Variants in WDR41 observed in about 807,000 individuals in gnomAD.
The protein encoded by WDR41 is WD repeat-containing protein 41.
In WDR41, 63 loss-of-function variants were observed where a neutral mutation model predicts 69.3. The ratio of observed to expected loss-of-function variants is 0.91; its 90% CI spans 0.74 to 1.12. The LOEUF (loss-of-function observed/expected upper bound fraction) is 1.12. Ranked by LOEUF, WDR41 falls within the 50% of genes most tolerant of loss-of-function variation. The pLI is 0.00. For synonymous variants in WDR41, 185 were observed against 192.1 expected (o/e 0.96, Z 0.31); for missense variants, 543 against 534.5 (o/e 1.02, Z -0.16).
intron 1 of WDR41, among the ~76,000 whole-genome samples, chr5:77,586,629 T>G (rs1316459669): frequency 6.6e-6 from 1 of 151,822 alleles, no homozygotes; most frequent in Admixed American, 6.6e-5. Context: ...TTTTTTTAAA[T>G]GTTGAGAAAA....
chr5:77,526,719 A>C (rs563191642), intron 1 of WDR41, among the ~76,000 whole-genome samples: 43 of 152,288 alleles, frequency 2.8e-4, no homozygotes, highest in African/African-American at 9.9e-4. Flanking sequence ...TATTAAAATT[A>C]CATAAAATTC....
At chr5:77,492,349 C>T, upstream of WDR41, 1 of 1,288,422 alleles carries the variant, frequency 7.8e-7, no homozygotes, top group Non-Finnish European at 1.1e-6. Context: ...CAGATCAGCC[C>T]ACGGGCCGAA....
chr5:77,554,008 A>G (rs887945370), intron 1 of WDR41, among the ~76,000 whole-genome samples: 12 of 152,224 alleles, frequency 7.9e-5, no homozygotes, highest in Non-Finnish European at 1.5e-5. Flanking sequence ...TAGCAGCTTT[A>G]TTTGTTATTG....
In WDR41 at chr5:77,437,528, A is replaced by G. The variant is rs991852336; in HGVS notation, c.1005-104T>C. On this transcript the variant is annotated intron_variant, in intron 10 of 12. Transcript: ENST00000296679. ...GTGGAGCCCTCAACTGCTTTTATTC[A>G]GCTCTTAGCAGGAACTGACAAAAAT... 3 of 969,820 alleles carry G rather than the reference A, an allele frequency of 3.1e-6. No individual in the cohort carries two copies. The Admixed American group carries it at 5.4e-5, about 17-fold the overall frequency. 60.1% of individuals were successfully genotyped at this position (969,820 alleles called of 1,614,324 possible). A position where few individuals can be genotyped will look rare whatever the true frequency, so the allele number is the denominator to read the frequency against.
rs1042085592 is a variant in WDR41 at position 77,542,799 on chromosome 5, C to T, written c.43-53227G>A. Among the ~76,000 whole-genome samples, 26 of 152,186 alleles carry T rather than the reference C, an allele frequency of 1.7e-4. 1 individual carries two copies. On this transcript the variant is annotated intron_variant, in intron 1 of 5. Coordinates refer to the WDR41 transcript ENST00000509971. ...GCTCCAACTCGGATGGACAGAGCAG[C>T]ATGTGAAGCTCACATTGTGAATTTT...
chr5:77,490,602 A>G (rs199891866), intron 1 of WDR41, among the ~76,000 whole-genome samples: 3 of 147,632 alleles, frequency 2.0e-5, no homozygotes, highest in Non-Finnish European at 4.5e-5. Context: ...CAAAAAAAAA[A>G]CCACCACCAC....
At chr5:77,558,086 G>A (rs1462848228) in intron 1 of WDR41, among the ~76,000 whole-genome samples, 1 of 73,296 alleles carries the variant, frequency 1.4e-5, no homozygotes, top group African/African-American at 6.0e-5. Flanking sequence ...AACTTCAAAT[G>A]TTCTTTTTAA....
At chr5:77,505,497 T>A (rs1448703009) in intron 1 of WDR41, among the ~76,000 whole-genome samples, 3 of 152,182 alleles carry the variant, frequency 2.0e-5, no homozygotes, top group Non-Finnish European at 2.9e-5. Context: ...AAGCTACTGA[T>A]GACTTTCTTC....
chr5:77,563,836 T>C (rs1383584574), intron 1 of WDR41, among the ~76,000 whole-genome samples: 1 of 152,220 alleles, frequency 6.6e-6, no homozygotes, highest in African/African-American at 2.4e-5. Context: ...AATTCCTACT[T>C]TCAGTAGACT....
intron 1 of WDR41, chr5:77,540,503 CAT>C (rs1316592687): frequency 6.6e-6 from 1 of 152,144 alleles, no homozygotes; most frequent in Non-Finnish European, 1.5e-5. Context: ...GGGAGGATCA[CAT>C]GATTCTCAGG....
At chr5:77,499,450 C>G (rs748816253) in intron 1 of WDR41, 2 of 152,160 alleles carry the variant, frequency 1.3e-5, no homozygotes. Flanking sequence ...CCAAAATATC[C>G]CACAGTAATG....
intron 1 of WDR41, among the ~76,000 whole-genome samples, chr5:77,514,805 T>C (rs1561212005): frequency 6.6e-6 from 1 of 151,186 alleles, no homozygotes; most frequent in Non-Finnish European, 1.5e-5. Flanking sequence ...CTGACTACTG[T>C]AGGCAATTGT....
intron 1 of WDR41, among the ~76,000 whole-genome samples, chr5:77,497,635 G>A (rs977099281): frequency 5.9e-5 from 9 of 152,220 alleles, no homozygotes; most frequent in African/African-American, 2.2e-4. Flanking sequence ...TGGAGTCCTT[G>A]TGCATCGTTA....
intron 8 of WDR41, among the ~76,000 whole-genome samples, chr5:77,447,041 T>C (rs1372266314): frequency 6.6e-6 from 1 of 152,196 alleles, no homozygotes; most frequent in Non-Finnish European, 1.5e-5. Context: ...AAGGTCGGTC[T>C]AATATCCAGA....
chr5:77,474,804 G>C (rs183199285), intron 2 of WDR41, among the ~76,000 whole-genome samples: 2 of 152,152 alleles, frequency 1.3e-5, no homozygotes, highest in Admixed American at 6.5e-5. Context: ...ATTACAGTAG[G>C]AGGAGGAGCC....
intron 1 of WDR41, among the ~76,000 whole-genome samples, chr5:77,581,019 C>G (rs1275647787): frequency 6.6e-6 from 1 of 151,510 alleles, no homozygotes; most frequent in Non-Finnish European, 1.5e-5. Flanking sequence ...GATGAAAACT[C>G]AACTATAGCA....
At chr5:77,582,323 T>G in intron 1 of WDR41, 1 of 1,528,708 alleles carries the variant, frequency 6.5e-7, no homozygotes, top group South Asian at 1.1e-5. Context: ...ATATAACAAG[T>G]TAACAAGTGC....
chr5:77,485,150 A>C (rs1249301429), intron 2 of WDR41, among the ~76,000 whole-genome samples: 1 of 151,926 alleles, frequency 6.6e-6, no homozygotes, highest in Non-Finnish European at 1.5e-5. Context: ...TTCTCCTTTC[A>C]TTGGCTTTCT....
intron 4 of WDR41, among the ~76,000 whole-genome samples, chr5:77,460,780 G>A (rs955893641): frequency 7.9e-5 from 12 of 152,098 alleles, no homozygotes; most frequent in African/African-American, 2.9e-4. Context: ...ACTGCAACCT[G>A]TCACATGATG....
Sources: gnomAD v4.1 joint callset for allele counts (sites outside exome capture counted in the v4.1 genomes callset) on GRCh38, gnomAD v4.1.1 for gene constraint, MANE v1.5 for transcripts, NCBI Gene and HGNC (gene_info 2026-07-23, HGNC 2026-07-21) for gene names.